The following FNDC3B variants were observed in gnomAD, a reference collection of about 807,000 sequenced individuals.
The protein encoded by FNDC3B is fibronectin type III domain containing 3B, also known as fibronectin type III domain-containing protein 3B.
A neutral mutation model predicts 151.5 loss-of-function variants in FNDC3B; 12 were observed. That is an observed-to-expected ratio of 0.08 (90% confidence interval 0.05 to 0.13). The LOEUF (loss-of-function observed/expected upper bound fraction) is 0.13, where lower values mean the gene tolerates loss of function less well. Among genes scored for constraint, FNDC3B ranks in the 10% least tolerant of loss-of-function variants. FNDC3B has a pLI of 1.00. For missense variants in FNDC3B, 1,214 were observed against 1,505.3 expected, an observed-to-expected ratio of 0.81 and a Z score of 3.20; for synonymous variants, 528 against 549.0, an observed-to-expected ratio of 0.96 and a Z score of 0.54.
intron 18 of FNDC3B, 23 bp from the exon 19 acceptor site, chr3:172,344,063 T>C (rs763805550): frequency 6.3e-7 from 1 of 1,597,510 alleles, no homozygotes. Context: ...TGTTCTAAGA[T>C]GAAAAAAATT....
At chr3:172,344,340 C>T in intron 19 of FNDC3B, 82 bp downstream of exon 19, 1 of 1,350,798 alleles carries the variant, frequency 7.4e-7, no homozygotes, top group Non-Finnish European at 1.0e-6. Context: ...TCTCTAGCCT[C>T]CTGAAATTTT....
intron 22 of FNDC3B, among the ~76,000 whole-genome samples, chr3:172,354,276 T>C (rs1417273727): frequency 6.6e-6 from 1 of 152,040 alleles, no homozygotes; most frequent in African/African-American, 2.4e-5. Context: ...TTAAATTGTT[T>C]CCAATTTTAA....
At chr3:172,391,449 C>T (rs1007340423) in intron 25 of FNDC3B, among the ~76,000 whole-genome samples, 1 of 152,140 alleles carries the variant, frequency 6.6e-6, no homozygotes, top group Non-Finnish European at 1.5e-5. Flanking sequence ...AGACTGAAAT[C>T]CTGATTCTAG....
At chr3:172,186,796 A>C in intron 3 of FNDC3B, 1 of 698,404 alleles carries the variant, frequency 1.4e-6, no homozygotes, top group Non-Finnish European at 2.6e-6. Flanking sequence ...ATGTTTCATG[A>C]TCTGTGTCAT....
At chr3:172,187,552 C>T (rs1724253695) in intron 3 of FNDC3B, among the ~76,000 whole-genome samples, 3 of 152,318 alleles carry the variant, frequency 2.0e-5, no homozygotes, top group South Asian at 2.1e-4. Context: ...AAATTGAAGA[C>T]ATAATTATCC....
intron 2 of FNDC3B, among the ~76,000 whole-genome samples, chr3:172,124,890 T>A (rs560529024): frequency 2.6e-5 from 4 of 152,304 alleles, no homozygotes; most frequent in African/African-American, 9.6e-5. Context: ...CATTATTTCA[T>A]CCAGTAATTA....
At chr3:172,186,624 TA>T in intron 3 of FNDC3B, 1 of 671,392 alleles carries the variant, frequency 1.5e-6, no homozygotes, top group South Asian at 1.6e-5. Context: ...ACCAGCATTT[TA>T]AAAAATGAAG....
At chr3:172,041,605 T>G (rs1332868643) in intron 1 of FNDC3B, among the ~76,000 whole-genome samples, 1 of 146,258 alleles carries the variant, frequency 6.8e-6, no homozygotes, top group Middle Eastern at 3.2e-3. Flanking sequence ...AAAAGGAATC[T>G]GCTCTGGAAT....
intron 25 of FNDC3B, among the ~76,000 whole-genome samples, chr3:172,381,411 T>A (rs1735428916): frequency 6.6e-6 from 1 of 152,140 alleles, no homozygotes; most frequent in Non-Finnish European, 1.5e-5. Context: ...AAAACTAAAG[T>A]GCCTGTGATT....
chr3:172,275,364 A>G (rs1188974087), intron 6 of FNDC3B, among the ~76,000 whole-genome samples: 1 of 152,220 alleles, frequency 6.6e-6, no homozygotes, highest in Non-Finnish European at 1.5e-5. Flanking sequence ...TTTGAACAAC[A>G]AGGGCAGCTC....
chr3:172,263,478 T>A (rs1728757909), intron 6 of FNDC3B, among the ~76,000 whole-genome samples: 1 of 151,968 alleles, frequency 6.6e-6, no homozygotes. Context: ...GGAATGTTGC[T>A]CCAAGGAACT....
chr3:172,199,086 C>G (rs1427735334), intron 3 of FNDC3B, among the ~76,000 whole-genome samples: 2 of 152,196 alleles, frequency 1.3e-5, no homozygotes, highest in Non-Finnish European at 2.9e-5. Context: ...TCCTCAGCCT[C>G]CCAAAGTGCT....
At chr3:172,066,872 G>A (rs545650780) in intron 1 of FNDC3B, among the ~76,000 whole-genome samples, 2 of 152,278 alleles carry the variant, frequency 1.3e-5, no homozygotes, top group East Asian at 3.9e-4. Context: ...GTGAACATAG[G>A]CAGCTCTTTT....
rs560354659 is a variant in FNDC3B, at chr3:172,206,078, A to G, written c.188-20793A>G. Among the ~76,000 whole-genome samples the G allele has an allele frequency of 7.9e-5, 12 of 152,338 alleles. No homozygotes were observed. In the South Asian group the frequency reaches 2.5e-3, roughly 32 times the overall value. On this transcript the variant is annotated intron_variant, in intron 3 of 25. Transcript: ENST00000415807. ...GATATGTTTATATGTAAAGCTTGGAAGCAACATTTTTACAACCGTAGGGTA... is the reference window on the plus strand; with the variant it reads ...GATATGTTTATATGTAAAGCTTGGAGGCAACATTTTTACAACCGTAGGGTA...
At chr3:172,363,985 T>C (rs1734485353) in intron 23 of FNDC3B, among the ~76,000 whole-genome samples, 2 of 152,232 alleles carry the variant, frequency 1.3e-5, no homozygotes, top group African/African-American at 2.4e-5. Flanking sequence ...ACATTTGAGC[T>C]TGACTTTGGA....
rs376320390 is a variant in FNDC3B at position 172,380,972 on chromosome 3, G to A, written c.3182G>A (p.Arg1061Gln). The change falls in exon 25 of 26, where the codon CGA becomes CAA. Residue 1061 changes from arginine (R) to glutamine (Q), a missense_variant. Arg to Gln is a conservative substitution (Grantham distance 43). This residue lies in a region of FNDC3B where 284 missense variants were observed against 392.4 expected (regional missense o/e 0.72). Coordinates refer to ENST00000415807, the MANE Select transcript of FNDC3B (RefSeq NM_022763.4). Reference sequence around the variant, plus strand: ...GTGTGGATTTGTATTTCAGCACCTCGAGTAACACAGTTAGAAGGAAATTCA... The same window carrying A: ...GTGTGGATTTGTATTTCAGCACCTCAAGTAACACAGTTAGAAGGAAATTCA... The part of the protein sequence containing the change: ...KSVPPTIKAP[R>Q]VTQLEGNSCE... 1.5e-5 allele frequency: 24 copies of A among 1,612,960 alleles called. No individual in the cohort carries two copies. The highest frequency in any genetic ancestry group is 1.2e-4 in the African/African-American group (9 of 74,882).
chr3:172,236,546 G>T (rs1185670931), intron 4 of FNDC3B, among the ~76,000 whole-genome samples: 1 of 152,178 alleles, frequency 6.6e-6, no homozygotes, highest in Non-Finnish European at 1.5e-5. Context: ...TTAATCAATT[G>T]CTGTTTTGCT....
chr3:172,267,431 C>T (rs144245351), intron 6 of FNDC3B, among the ~76,000 whole-genome samples: 4,585 of 152,250 alleles, frequency 0.03, 243 homozygotes, highest in African/African-American at 0.1. Flanking sequence ...GCTGGGATTA[C>T]AGGTGTGAGC....
rs77100891 is a variant in FNDC3B, at chr3:172,217,941, T to C, written c.188-8930T>C. 6.2e-3 allele frequency among the ~76,000 whole-genome samples: 950 copies of C among 152,258 alleles called. 34 individuals are homozygous for C. In the East Asian group the frequency reaches 0.073, roughly 12 times the overall value. On this transcript the variant is annotated intron_variant, in intron 3 of 25. Transcript: ENST00000415807. ...CAGGTGAGAAGATGGTGGCTACCCTTATTTAACAATTCTATCAGCAACTCA... is the reference window on the plus strand; with the variant it reads ...CAGGTGAGAAGATGGTGGCTACCCTCATTTAACAATTCTATCAGCAACTCA...
Sources: allele counts gnomAD v4.1 joint callset (sites outside exome capture counted in the v4.1 genomes callset), GRCh38; gene constraint gnomAD v4.1.1; regional missense constraint gnomAD v4.1.1; transcripts MANE v1.5; gene names NCBI Gene and HGNC (gene_info 2026-07-23, HGNC 2026-07-21).